Variants in PDLIM2 observed in about 807,000 individuals in gnomAD.
PDLIM2 encodes PDZ and LIM domain 2, also known as PDZ and LIM domain protein 2.
A neutral mutation model predicts 54.1 loss-of-function variants in PDLIM2; 51 were observed. The observed-to-expected ratio is 0.94, with a 90% CI of 0.75 to 1.19. The LOEUF is 1.19. Among genes scored for constraint, PDLIM2 ranks in the 50% most tolerant of loss-of-function variants. The pLI is 0.00. For missense variants in PDLIM2, 912 were observed against 874.0 expected (o/e 1.04, Z -0.55); for synonymous variants, 398 against 385.6 (o/e 1.03, Z -0.38).
exon 10 of PDLIM2, chr8:22,593,735 A>T (rs965451702): frequency 1.9e-6 from 3 of 1,581,544 alleles, no homozygotes; most frequent in Non-Finnish European, 2.6e-6. Context: ...CCCTTCAGGA[A>T]CCAGGCTGTG....
Position 22,579,348 on chromosome 8 carries a change from C to A in PDLIM2, c.569C>A (p.Ser190Ter). The change falls in exon 1 of 10, where the codon TCA becomes TAA. Residue 190 changes from serine (S) to a stop codon, truncating the protein, a stop_gained. Transcript: ENST00000308354. LOFTEE classifies it high-confidence loss of function. ...GGCCCAGCTCCCTGGAGCCTCGCAT[C>A]AGCGGGGGCGCCCCCGCGAGCTGCG... 6.8e-7 allele frequency: 1 copy of A among 1,466,794 alleles called. No homozygotes were observed. The highest frequency in any genetic ancestry group is 1.3e-5 in the South Asian group (1 of 76,128). 90.9% of individuals were successfully genotyped at this position (1,466,794 alleles called of 1,614,324 possible).
At chr8:22,580,551 C>T (rs564759615) in intron 1 of PDLIM2, 1 of 1,612,650 alleles carries the variant, frequency 6.2e-7, no homozygotes, top group East Asian at 2.2e-5. Flanking sequence ...TTACAGTGCC[C>T]CCAGAGCCGG....
rs749710772 is a variant in PDLIM2 at position 22,589,598 on chromosome 8, T to C, written c.1370T>C (p.Met457Thr). 7 of 1,601,076 alleles carry C rather than the reference T, an allele frequency of 4.4e-6. No individual in the cohort carries two copies. In the African/African-American group the frequency reaches 9.4e-5, roughly 21 times the overall value. The change falls in exon 8 of 10, where the codon ATG becomes ACG. Residue 457 changes from methionine (M) to threonine (T), a missense_variant and splice_region_variant. Transcript: ENST00000308354. Reference sequence around the variant, plus strand: ...CCTGGCTGCCTCCCACCCTGCAGCATGGACTCGGAAGGGGGAAGCCTCCTC... The same window carrying C: ...CCTGGCTGCCTCCCACCCTGCAGCACGGACTCGGAAGGGGGAAGCCTCCTC...
rs1444518015 is a variant in PDLIM2, at chr8:22,578,907, C to T, written c.128C>T (p.Ala43Val). 1 of 1,237,778 alleles carries T rather than the reference C, an allele frequency of 8.1e-7. No individual in the cohort carries two copies. Among genetic ancestry groups the T allele is most frequent in the Non-Finnish European group, 1.0e-6 (1 of 991,204 alleles). The allele number at this position is 1,237,778 out of a possible 1,614,324, so 76.7% of individuals were successfully genotyped here. Residue 43 changes from alanine (A) to valine (V), a missense_variant, in exon 1 of 10, where the codon GCG becomes GTG. Transcript: ENST00000308354. ...TGTGCTCCGGGCAGTCGGGGGCTTG[C>T]GGGCGCTCCGGGGAGGATGCGGGCA... is the stretch of plus-strand genomic sequence containing the variant.
exon 9 of PDLIM2, chr8:22,591,609 C>T: frequency 6.2e-7 from 1 of 1,613,580 alleles, no homozygotes; most frequent in Non-Finnish European, 8.5e-7. Context: ...TGCCCGCCTC[C>T]AGGGCCCTGG....
intron 2 of PDLIM2, 191 bp downstream of exon 1, chr8:22,580,888 T>A: frequency 2.7e-6 from 2 of 740,720 alleles, no homozygotes; most frequent in South Asian, 3.0e-5. Context: ...GGAACAGACC[T>A]TGGGAGTGAA....
At chr8:22,580,941 T>C in intron 2 of PDLIM2, 1 of 681,122 alleles carries the variant, frequency 1.5e-6, no homozygotes, top group Non-Finnish European at 2.8e-6. Context: ...GCCTCCCCAG[T>C]TGCTATCCCC....
intron 6 of PDLIM2, among the ~76,000 whole-genome samples, chr8:22,586,578 G>T (rs73229816): frequency 1.3e-5 from 2 of 152,020 alleles, no homozygotes; most frequent in Admixed American, 6.6e-5. Context: ...TCCGGGCGAC[G>T]GCTGATGTAT....
chr8:22,582,462 C>G (rs537029773), intron 3 of PDLIM2, among the ~76,000 whole-genome samples: 3 of 152,100 alleles, frequency 2.0e-5, no homozygotes, highest in African/African-American at 7.2e-5. Context: ...GCAGGAGCCT[C>G]GGACTGTCTC....
At chr8:22,589,315 T>A in exon 7 of PDLIM2, 1 of 1,534,240 alleles carries the variant, frequency 6.5e-7, no homozygotes, top group African/African-American at 1.4e-5. Context: ...TCGGCCGCGC[T>A]GGCGACTCGG....
chr8:22,579,087 C>T lies in PDLIM2; in HGVS notation c.308C>T (p.Thr103Ile). The T allele has an allele frequency of 1.6e-6, 2 of 1,260,516 alleles. No individual in the cohort carries two copies. The highest frequency in any genetic ancestry group is 8.4e-5 in the Admixed American group (2 of 23,680). The allele number at this position is 1,260,516 out of a possible 1,614,324, so 78.1% of individuals were successfully genotyped here. The change falls in exon 1 of 10, where the codon ACA (threonine) becomes ATA (isoleucine). Residue 103 changes from threonine (T) to isoleucine (I), a missense_variant. Thr to Ile is a moderately conservative substitution (Grantham distance 89, BLOSUM62 -1). Transcript: ENST00000308354. ...GGCGGCAGGGGCGGCCCCGGGATCA[C>T]ATGGGCGGAGGCAGGTCCGGGAGCC...
Position 22,591,636 on chromosome 8 carries a change from CCA to C in PDLIM2, c.1603_1604del (p.Thr535LeufsTer2), listed in dbSNP as rs1415812632. ...GGGCCCTGGCCACCCCTCCCAAGCT[CCA>C]CACTTGTGAGAAGTGCAGTACCAGC... On this transcript the variant is annotated frameshift_variant, in exon 9 of 10. Coordinates refer to ENST00000308354, the Ensembl canonical transcript of PDLIM2. LOFTEE classifies it high-confidence loss of function. The C allele has an allele frequency of 6.2e-7, 1 of 1,613,238 alleles. No individual in the cohort carries two copies. The highest frequency in any genetic ancestry group is 8.5e-7 in the Non-Finnish European group (1 of 1,179,938).
At chr8:22,589,556 G>A (rs1382384761) in intron 7 of PDLIM2, 40 bp from the exon 7 acceptor site, 28 of 1,573,742 alleles carry the variant, frequency 1.8e-5, no homozygotes, top group Non-Finnish European at 2.2e-5. Flanking sequence ...CCTAAGCTCC[G>A]GCACGGGACC....
rs1800123946 is a variant in PDLIM2 at position 22,579,359 on chromosome 8, C to T, written c.580C>T (p.Pro194Ser). 1 of 1,471,968 alleles carries T rather than the reference C, an allele frequency of 6.8e-7. No individual in the cohort carries two copies. Among genetic ancestry groups the T allele is most frequent in the Non-Finnish European group, 8.9e-7 (1 of 1,118,578 alleles). The allele number at this position is 1,471,968 out of a possible 1,614,324, so 91.2% of individuals were successfully genotyped here. The change falls in exon 1 of 10, where the codon CCC (proline) becomes TCC (serine). Residue 194 changes from proline to serine, a missense_variant. Pro to Ser is a moderately conservative substitution (Grantham distance 74). Transcript: ENST00000308354. ...CTGGAGCCTCGCATCAGCGGGGGCG[C>T]CCCCGCGAGCTGCGCTCTCCCCGGC...
chr8:22,582,673 C>T (rs911481611), intron 3 of PDLIM2, among the ~76,000 whole-genome samples: 1 of 151,270 alleles, frequency 6.6e-6, no homozygotes, highest in Admixed American at 6.6e-5. Context: ...CCTCTGCCTC[C>T]CGGGTTCAAG....
exon 3 of PDLIM2, chr8:22,581,493 C>A: frequency 1.2e-6 from 2 of 1,601,350 alleles, no homozygotes; most frequent in Non-Finnish European, 1.7e-6. Context: ...GAGCAAGATC[C>A]GCCAGAGCCC....
chr8:22,579,674 C>T, intron 1 of PDLIM2: 1 of 995,632 alleles, frequency 1.0e-6, no homozygotes. Context: ...ATTCTCGCAG[C>T]ACTTGCGTCC....
chr8:22,588,919 G>C (rs369192534), intron 6 of PDLIM2: 8 of 308,366 alleles, frequency 2.6e-5, no homozygotes, highest in African/African-American at 1.8e-4. Flanking sequence ...TGCTGGTTCC[G>C]TGGGATCGGA....
intron 3 of PDLIM2, among the ~76,000 whole-genome samples, chr8:22,583,248 G>T (rs1356669818): frequency 6.6e-6 from 1 of 152,066 alleles, no homozygotes. Flanking sequence ...GGGGAGCTGG[G>T]CCTACTTGTC....
Sources: allele counts gnomAD v4.1 joint callset (sites outside exome capture counted in the v4.1 genomes callset), GRCh38; gene constraint gnomAD v4.1.1; transcripts MANE v1.5; gene names NCBI Gene and HGNC (gene_info 2026-07-23, HGNC 2026-07-21).